Variants in ANO3 observed in about 807,000 individuals in gnomAD.
ANO3 encodes anoctamin 3, also known as anoctamin-3.
In ANO3, 99 loss-of-function variants were observed where a neutral mutation model predicts 144.8. That is an observed-to-expected ratio of 0.68 (90% confidence interval 0.58 to 0.81). ANO3 has a LOEUF of 0.81. Among genes scored for constraint, ANO3 ranks in the 30% least tolerant of loss-of-function variants. The pLI, the probability that ANO3 is intolerant of heterozygous loss-of-function variation, is 0.00. For synonymous variants in ANO3, 414 were observed against 392.6 expected, an observed-to-expected ratio of 1.05 and a Z score of -0.64; for missense variants, 905 against 1,202.2, an observed-to-expected ratio of 0.75 and a Z score of 3.66.
chr11:26,591,661 T>C (rs1370972274), intron 14 of ANO3, among the ~76,000 whole-genome samples: 2 of 151,970 alleles, frequency 1.3e-5, no homozygotes, highest in African/African-American at 4.8e-5. Context: ...TACAGCAGCA[T>C]GGAGGAAGTG....
At chr11:26,582,109 T>C (rs76444414) in intron 14 of ANO3, among the ~76,000 whole-genome samples, 4,785 of 152,296 alleles carry the variant, frequency 0.031, 83 homozygotes, top group South Asian at 0.066. Flanking sequence ...TGATTAGAAA[T>C]ATATGCACCT....
At chr11:26,493,714 C>T (rs1043163969) in intron 4 of ANO3, among the ~76,000 whole-genome samples, 3 of 152,086 alleles carry the variant, frequency 2.0e-5, no homozygotes, top group African/African-American at 7.2e-5. Flanking sequence ...GAAAGTGACA[C>T]CAGTCTTTAA....
At position 26,360,484 on chromosome 11, in the gene ANO3, A is replaced by G. The variant is rs564805777; in HGVS notation, c.46+28163A>G. On this transcript the variant is annotated intron_variant, in intron 1 of 26. Transcript: ENST00000256737. The stretch of plus-strand genomic sequence containing the variant: ...AGAACAGTGAGAAAAGACTGAGACT[A>G]TAATTTATATTAGGTAGGGCCTCAT... Among the ~76,000 whole-genome samples, 6 of 152,254 alleles carry G rather than the reference A, an allele frequency of 3.9e-5. No individual in the cohort carries two copies. In the East Asian group the frequency reaches 1.2e-3, roughly 29 times the overall value.
intron 6 of ANO3, among the ~76,000 whole-genome samples, chr11:26,522,822 A>G (rs1376687525): frequency 6.6e-6 from 1 of 152,198 alleles, no homozygotes; most frequent in African/African-American, 2.4e-5. Flanking sequence ...AATGTGATGC[A>G]TATCATAGTC....
intron 4 of ANO3, among the ~76,000 whole-genome samples, chr11:26,492,238 T>C (rs1860737981): frequency 6.6e-6 from 1 of 152,244 alleles, no homozygotes; most frequent in Non-Finnish European, 1.5e-5. Context: ...CTCTATGTTC[T>C]GTGCTGTTTC....
intron 10 of ANO3, among the ~76,000 whole-genome samples, chr11:26,540,474 G>C (rs1484444610): frequency 1.3e-5 from 2 of 152,096 alleles, no homozygotes; most frequent in African/African-American, 4.8e-5. Flanking sequence ...TTAAACTAAA[G>C]AGCTTCTTCA....
chr11:26,315,924 C>G (rs1419954697), intron 1 of ANO3, among the ~76,000 whole-genome samples: 1 of 152,168 alleles, frequency 6.6e-6, no homozygotes, highest in Non-Finnish European at 1.5e-5. Flanking sequence ...AATATTGACT[C>G]TACCTCATAG....
At chr11:26,563,395 C>CTGTGTGTGTGTGTGTGTG (rs71047867) in intron 14 of ANO3, 4 of 538,880 alleles carry the variant, frequency 7.4e-6, no homozygotes, top group Admixed American at 3.9e-5. Flanking sequence ...GTTTCTCTCT[C>CTGTGTGTGTGTGTGTGTG]TGTGTGTGTG....
At chr11:26,376,617 A>C (rs957264256) in intron 1 of ANO3, among the ~76,000 whole-genome samples, 1 of 151,872 alleles carries the variant, frequency 6.6e-6, no homozygotes, top group Admixed American at 6.6e-5. Flanking sequence ...AAAAATATAG[A>C]TCTCTCCTTA....
chr11:26,573,488 TTC>T (rs1230522297), intron 14 of ANO3, among the ~76,000 whole-genome samples: 3 of 152,194 alleles, frequency 2.0e-5, no homozygotes, highest in African/African-American at 7.2e-5. Flanking sequence ...TAAATATATT[TTC>T]TGTTTGTAGT....
chr11:26,278,533 G>T (rs1365402885), intron 1 of ANO3, among the ~76,000 whole-genome samples: 2 of 151,918 alleles, frequency 1.3e-5, no homozygotes, highest in Non-Finnish European at 2.9e-5. Context: ...ACTGTTTATT[G>T]TCACTCACGT....
At chr11:26,479,345 C>T (rs1402250186) in intron 4 of ANO3, among the ~76,000 whole-genome samples, 3 of 152,116 alleles carry the variant, frequency 2.0e-5, no homozygotes, top group South Asian at 2.1e-4. Context: ...GTACAGAATT[C>T]GATGTGTGTC....
At chr11:26,452,632 T>C (rs1858990355) in intron 3 of ANO3, among the ~76,000 whole-genome samples, 1 of 152,032 alleles carries the variant, frequency 6.6e-6, no homozygotes, top group Non-Finnish European at 1.5e-5. Context: ...ACGGGGAGAA[T>C]GGAACCAAGT....
rs570109612 is a variant in ANO3, at chr11:26,361,842, G to T, written c.46+29521G>T. Among the ~76,000 whole-genome samples the T allele has an allele frequency of 2.6e-5, 4 of 152,188 alleles. No individual in the cohort carries two copies. The East Asian group carries it at 5.8e-4, about 22-fold the overall frequency. ...TTAATTATATTCTGCCTCTGCCTGT[G>T]GGTGGTAAACCCTGTTCTAGACTTC... is the stretch of plus-strand genomic sequence containing the variant. On this transcript the variant is annotated intron_variant, in intron 1 of 26. Transcript: ENST00000256737.
At chr11:26,606,871 C>T (rs568929808) in intron 17 of ANO3, among the ~76,000 whole-genome samples, 2 of 152,202 alleles carry the variant, frequency 1.3e-5, no homozygotes, top group South Asian at 4.2e-4. Context: ...TGTCATTGAT[C>T]TTTATATTTT....
intron 1 of ANO3, chr11:26,208,349 A>C (rs1564917112): frequency 6.6e-6 from 1 of 152,178 alleles, no homozygotes; most frequent in Admixed American, 6.6e-5. Flanking sequence ...ATCTCTACCA[A>C]AAAATACAAA....
At chr11:26,372,884 G>T (rs928597455) in intron 1 of ANO3, among the ~76,000 whole-genome samples, 1 of 151,976 alleles carries the variant, frequency 6.6e-6, no homozygotes, top group South Asian at 2.1e-4. Flanking sequence ...ATAAACATCA[G>T]ATTTTTCAAA....
chr11:26,598,856 A>G lies in ANO3; in HGVS notation c.1531-2A>G, dbSNP rs915651017. The stretch of plus-strand genomic sequence containing the variant: ...TTTAGATAACTTTCGTTTCTCTCAT[A>G]GGAAACACTTCGTCCCCAGTTTGAA... On this transcript the variant is annotated splice_acceptor_variant, in intron 15 of 26. Coordinates refer to ENST00000256737, the MANE Select transcript of ANO3 (RefSeq NM_031418.4). LOFTEE classifies it high-confidence loss of function. The G allele has an allele frequency of 1.9e-6, 3 of 1,611,630 alleles. No individual in the cohort carries two copies. The highest frequency in any genetic ancestry group is 1.7e-6 in the Non-Finnish European group (2 of 1,179,300).
intron 1 of ANO3, among the ~76,000 whole-genome samples, chr11:26,326,566 G>A (rs945294964): frequency 2.0e-5 from 3 of 152,038 alleles, no homozygotes; most frequent in Admixed American, 6.6e-5. Context: ...GCATTGTGTT[G>A]TTACTCTTAT....
Sources: allele counts gnomAD v4.1 joint callset (sites outside exome capture counted in the v4.1 genomes callset), GRCh38; gene constraint gnomAD v4.1.1; transcripts MANE v1.5; gene names NCBI Gene and HGNC (gene_info 2026-07-23, HGNC 2026-07-21).